B4GALT1: variants seen among roughly 807,000 people sequenced by gnomAD.
B4GALT1 encodes the protein N-acetyllactosamine synthase.
Under a neutral mutation model 34.9 loss-of-function variants are expected in B4GALT1, and 16 were observed. That is an observed-to-expected ratio of 0.46 (90% CI 0.31 to 0.70). The LOEUF (loss-of-function observed/expected upper bound fraction) is 0.70, where lower values mean the gene tolerates loss of function less well. Ranked by LOEUF, B4GALT1 falls within the 30% of genes least tolerant of loss-of-function variation. The pLI is 0.05. For synonymous variants in B4GALT1, 221 were observed against 218.1 expected (o/e 1.01, Z -0.12); for missense variants, 445 against 530.5 (o/e 0.84, Z 1.58).
intron 2 of B4GALT1, among the ~76,000 whole-genome samples, chr9:33,132,127 GAAA>G (rs111389741): frequency 6.9e-6 from 1 of 145,950 alleles, no homozygotes; most frequent in Non-Finnish European, 1.5e-5. Context: ...GAAAAGCAAA[GAAA>G]AAAAAAAGAT....
chr9:33,154,316 A>G (rs1840566535), intron 1 of B4GALT1, among the ~76,000 whole-genome samples: 1 of 152,212 alleles, frequency 6.6e-6, no homozygotes, highest in African/African-American at 2.4e-5. Context: ...AAAATACTCA[A>G]CAAACCAGGA....
rs1839845118 is a variant in B4GALT1 at position 33,110,770 on chromosome 9, A to G, written c.*2684T>C. ...GGTAAATACACACATTTGCATACAC[A>G]GGAAATCAAAATACACAGCACAACA... On this transcript the variant is annotated 3_prime_UTR_variant, in exon 6 of 6. Coordinates refer to ENST00000379731, the MANE Select transcript of B4GALT1 (RefSeq NM_001497.4). 1 of 152,218 alleles carries G rather than the reference A, an allele frequency of 6.6e-6. No homozygotes were observed. Among genetic ancestry groups the G allele is most frequent in the Admixed American group, 6.5e-5 (1 of 15,280 alleles). The allele number at this position is 152,218 out of a possible 1,614,324, so 9.4% of individuals were successfully genotyped here. A position where few individuals can be genotyped will look rare whatever the true frequency, so the allele number is the denominator to read the frequency against.
chr9:33,126,469 A>G (rs1457368794), intron 2 of B4GALT1, among the ~76,000 whole-genome samples: 1 of 152,156 alleles, frequency 6.6e-6, no homozygotes, highest in African/African-American at 2.4e-5. Context: ...CAGGGGAGAC[A>G]GGGTCTCGCC....
chr9:33,128,078 G>A (rs10813952), intron 2 of B4GALT1, among the ~76,000 whole-genome samples: 64,225 of 151,998 alleles, frequency 0.42, 15,317 homozygotes, highest in Admixed American at 0.56. Context: ...CAGTGGCAGC[G>A]GTAGTTAGGT....
At chr9:33,183,280 A>G in the B4GALT1 span, among the ~76,000 whole-genome samples, 1 of 152,056 alleles carries the variant, frequency 6.6e-6, no homozygotes, top group African/African-American at 2.4e-5. Context: ...TAAAAAAAAC[A>G]TAGGATGATA....
intron 2 of B4GALT1, among the ~76,000 whole-genome samples, chr9:33,124,044 T>C (rs7029897): frequency 0.48 from 73,233 of 152,024 alleles, 18,507 homozygotes; most frequent in African/African-American, 0.64. Flanking sequence ...GGTGCTATCA[T>C]CTATCAGGGG....
At chr9:33,105,879 G>A (rs1269404654), downstream of B4GALT1, among the ~76,000 whole-genome samples, 2 of 60,190 alleles carry the variant, frequency 3.3e-5, no homozygotes, top group East Asian at 1.0e-3. Flanking sequence ...TGGACTCGTG[G>A]GTTTTTTTTT....
intron 1 of B4GALT1, among the ~76,000 whole-genome samples, chr9:33,136,448 C>T (rs1267028323): frequency 6.6e-6 from 1 of 152,156 alleles, no homozygotes; most frequent in Non-Finnish European, 1.5e-5. Context: ...ATACTCTCTG[C>T]AGACCAGACC....
intron 1 of B4GALT1, among the ~76,000 whole-genome samples, chr9:33,154,907 A>C (rs935152204): frequency 1.3e-5 from 2 of 151,966 alleles, no homozygotes; most frequent in Admixed American, 1.3e-4. Flanking sequence ...TTCTTCTTCC[A>C]GTGTGGCCTG....
chr9:33,165,174 G>A (rs942751943), intron 1 of B4GALT1, among the ~76,000 whole-genome samples: 13 of 151,686 alleles, frequency 8.6e-5, no homozygotes, highest in African/African-American at 3.2e-4. Flanking sequence ...CACCATATTG[G>A]CCAGGCTGGT....
intron 4 of B4GALT1, among the ~76,000 whole-genome samples, chr9:33,115,012 C>T (rs954434735): frequency 6.6e-6 from 1 of 152,160 alleles, no homozygotes; most frequent in Non-Finnish European, 1.5e-5. Context: ...TCTGTGGAAG[C>T]AGGCTTGCTT....
At chr9:33,142,697 G>C (rs1361064913) in intron 1 of B4GALT1, among the ~76,000 whole-genome samples, 3 of 152,048 alleles carry the variant, frequency 2.0e-5, no homozygotes, top group Admixed American at 6.6e-5. Context: ...GAACTCCTGG[G>C]CTCAAGCAAT....
In B4GALT1 at chr9:33,129,903, A is replaced by G. The variant is rs1446567076; in HGVS notation, c.648+5286T>C. Among the ~76,000 whole-genome samples the G allele has an allele frequency of 2.0e-5, 3 of 152,162 alleles. No homozygotes were observed. The East Asian group carries it at 5.8e-4, about 29-fold the overall frequency. The stretch of plus-strand genomic sequence containing the variant: ...GTCCAGTGAAGTGGAGAGGAGGAGG[A>G]AGTGGCTGGAGGTAGGTCAGGGTCT... On this transcript the variant is annotated intron_variant, in intron 2 of 5. Coordinates refer to ENST00000379731, the MANE Select transcript of B4GALT1 (RefSeq NM_001497.4).
chr9:33,159,410 C>T (rs1840643798), intron 1 of B4GALT1, among the ~76,000 whole-genome samples: 1 of 152,228 alleles, frequency 6.6e-6, no homozygotes, highest in South Asian at 2.1e-4. Flanking sequence ...TGCCCCTTCC[C>T]TCAGTGCAAC....
intron 1 of B4GALT1, among the ~76,000 whole-genome samples, chr9:33,140,682 C>T (rs1203476577): frequency 6.6e-6 from 1 of 152,224 alleles, no homozygotes; most frequent in Non-Finnish European, 1.5e-5. Flanking sequence ...CCTGACAGTA[C>T]ACTGCACAGC....
At chr9:33,114,874 C>T (rs938973247) in intron 4 of B4GALT1, among the ~76,000 whole-genome samples, 2 of 152,184 alleles carry the variant, frequency 1.3e-5, no homozygotes, top group Admixed American at 6.5e-5. Flanking sequence ...AGTGCCACTG[C>T]GTTAGCATGG....
chr9:33,138,807 A>T (rs1587739686), intron 1 of B4GALT1, among the ~76,000 whole-genome samples: 1 of 152,052 alleles, frequency 6.6e-6, no homozygotes, highest in Non-Finnish European at 1.5e-5. Context: ...TTCTCATGCA[A>T]CCCCACCACC....
At chr9:33,144,337 C>T (rs1207688787) in intron 1 of B4GALT1, among the ~76,000 whole-genome samples, 1 of 152,176 alleles carries the variant, frequency 6.6e-6, no homozygotes, top group Non-Finnish European at 1.5e-5. Context: ...AGGTTTCAAG[C>T]GATTCTCCTG....
chr9:33,107,264 T>C (rs1165158868), downstream of B4GALT1, among the ~76,000 whole-genome samples: 3 of 152,190 alleles, frequency 2.0e-5, no homozygotes, highest in Admixed American at 1.3e-4. Flanking sequence ...TCATTTCCTT[T>C]CTGGCATGGT....
Sources: allele counts gnomAD v4.1 joint callset (sites outside exome capture counted in the v4.1 genomes callset), GRCh38; gene constraint gnomAD v4.1.1; transcripts MANE v1.5; gene names NCBI Gene and HGNC (gene_info 2026-07-23, HGNC 2026-07-21).